Variants in HACE1 observed in about 807,000 individuals in gnomAD.
HACE1 encodes HECT domain and ankyrin repeat containing E3 ubiquitin protein ligase 1, also known as E3 ubiquitin-protein ligase HACE1.
In HACE1, 73 loss-of-function variants were observed where a neutral mutation model predicts 118.4. That is an observed-to-expected ratio of 0.62 (90% CI 0.51 to 0.75). The LOEUF (loss-of-function observed/expected upper bound fraction) is 0.75. Among genes scored for constraint, HACE1 ranks in the 30% least tolerant of loss-of-function variants. HACE1 has a pLI of 0.00. For synonymous variants in HACE1, 368 were observed against 374.8 expected, an observed-to-expected ratio of 0.98 and a Z score of 0.21; for missense variants, 749 against 1,102.2, an observed-to-expected ratio of 0.68 and a Z score of 4.54.
At chr6:104,848,807 T>C (rs1444310490) in intron 4 of HACE1, among the ~76,000 whole-genome samples, 2 of 152,210 alleles carry the variant, frequency 1.3e-5, no homozygotes, top group Middle Eastern at 3.4e-3. Context: ...AAAATTATGC[T>C]TTTCAGAAAA....
At chr6:104,821,974 A>C (rs553813021) in intron 6 of HACE1, among the ~76,000 whole-genome samples, 15 of 152,302 alleles carry the variant, frequency 9.8e-5, no homozygotes, top group African/African-American at 3.4e-4. Context: ...TTGGGAGACC[A>C]AAGTGGGAGG....
At chr6:104,837,505 T>C (rs1212861787) in intron 5 of HACE1, among the ~76,000 whole-genome samples, 1 of 152,136 alleles carries the variant, frequency 6.6e-6, no homozygotes, top group African/African-American at 2.4e-5. Flanking sequence ...AAAGAGATCA[T>C]AGACTTAAAT....
At chr6:104,807,065 C>T (rs1348746515) in intron 7 of HACE1, among the ~76,000 whole-genome samples, 1 of 150,280 alleles carries the variant, frequency 6.7e-6, no homozygotes, top group Non-Finnish European at 1.5e-5. Flanking sequence ...ACTCTGTTGC[C>T]CAGGCTGGAG....
chr6:104,782,607 C>CA (rs1213135098), intron 14 of HACE1, among the ~76,000 whole-genome samples: 7 of 151,290 alleles, frequency 4.6e-5, no homozygotes, highest in Non-Finnish European at 1.0e-4. Flanking sequence ...CTTCAGCTTA[C>CA]AAAAAAAAGA....
chr6:104,739,213 T>C (rs1268430939), intron 22 of HACE1, among the ~76,000 whole-genome samples: 1 of 152,134 alleles, frequency 6.6e-6, no homozygotes, highest in Non-Finnish European at 1.5e-5. Flanking sequence ...TGCAAAATCA[T>C]GCCAAAATGT....
chr6:104,795,364 G>C (rs1783497699), intron 10 of HACE1, among the ~76,000 whole-genome samples: 1 of 152,096 alleles, frequency 6.6e-6, no homozygotes, highest in South Asian at 2.1e-4. Flanking sequence ...CAAATTCACT[G>C]AAGTATGCTC....
intron 11 of HACE1, 154 bp from the exon 12 acceptor site, chr6:104,785,473 T>C: frequency 1.6e-6 from 1 of 613,186 alleles, no homozygotes. Context: ...TGCCTAAAGG[T>C]AAGTAATAAA....
intron 6 of HACE1, among the ~76,000 whole-genome samples, chr6:104,823,191 C>T (rs1332118459): frequency 1.3e-5 from 2 of 152,140 alleles, no homozygotes; most frequent in Non-Finnish European, 2.9e-5. Flanking sequence ...GCAATCCCAG[C>T]ACTCTGGGAG....
chr6:104,780,211 T>C (rs1297636751), intron 14 of HACE1: 1 of 225,276 alleles, frequency 4.4e-6, no homozygotes, highest in Non-Finnish European at 9.1e-6. Context: ...TAAAAACAAA[T>C]GGAACCTTTT....
rs148205991 is a variant in HACE1 at position 104,850,768 on chromosome 6, C to T, written c.221+139G>A. 178 of 757,090 alleles carry T rather than the reference C, an allele frequency of 2.4e-4. No homozygotes were observed. In the African/African-American group the frequency reaches 2.5e-3, roughly 11 times the overall value. The allele number at this position is 757,090 out of a possible 1,614,324, so 46.9% of individuals were successfully genotyped here. ...GTTTAGAGACAGAACGGATAGCACACCACGCGCTCAAACAGGATAAAGAAC... is the reference window on the plus strand; with the variant it reads ...GTTTAGAGACAGAACGGATAGCACATCACGCGCTCAAACAGGATAAAGAAC... On this transcript the variant is annotated intron_variant, in intron 3 of 23. Transcript: ENST00000262903.
chr6:104,825,916 T>C (rs1451296816), intron 6 of HACE1, among the ~76,000 whole-genome samples: 1 of 152,226 alleles, frequency 6.6e-6, no homozygotes, highest in Non-Finnish European at 1.5e-5. Context: ...CATTATGTGC[T>C]ATGCCCTCCT....
chr6:104,848,196 C>G (rs765953878), intron 4 of HACE1, among the ~76,000 whole-genome samples: 1 of 151,234 alleles, frequency 6.6e-6, no homozygotes, highest in Non-Finnish European at 1.5e-5. Context: ...TGGCTCACGC[C>G]TGTAATCCCA....
chr6:104,785,011 C>G lies in HACE1; in HGVS notation c.1383G>C (p.Met461Ile). Reference protein sequence around the residue: ...RLSAVIQAFYMCCSCQMPPGM... With the variant: ...RLSAVIQAFYICCSCQMPPGM... ...CCGGAGGCATCTGACAAGAACAGCACATGTAAAAAGCTTGAATGACAGCAC... is the reference window on the plus strand; with the variant it reads ...CCGGAGGCATCTGACAAGAACAGCAGATGTAAAAAGCTTGAATGACAGCAC... The change falls in exon 12 of 24, where the codon ATG (methionine) becomes ATC (isoleucine). Residue 461 changes from methionine to isoleucine, a missense_variant. Transcript: ENST00000262903. 1 of 1,613,416 alleles carries G rather than the reference C, an allele frequency of 6.2e-7. No individual in the cohort carries two copies.
At chr6:104,823,572 A>T (rs1230644138) in intron 6 of HACE1, among the ~76,000 whole-genome samples, 1 of 152,150 alleles carries the variant, frequency 6.6e-6, no homozygotes, top group Non-Finnish European at 1.5e-5. Flanking sequence ...ACATATTTTT[A>T]AAGTTTTCAA....
chr6:104,834,711 T>C (rs1274190714), intron 5 of HACE1, among the ~76,000 whole-genome samples: 2 of 152,226 alleles, frequency 1.3e-5, no homozygotes, highest in African/African-American at 4.8e-5. Context: ...TTATACTTGT[T>C]GACTTGTCAG....
At chr6:104,858,185 T>C (rs1037439345) in intron 1 of HACE1, among the ~76,000 whole-genome samples, 5 of 152,190 alleles carry the variant, frequency 3.3e-5, no homozygotes, top group Non-Finnish European at 7.3e-5. Context: ...CTAAATCACA[T>C]TTATGTAAAA....
intron 22 of HACE1, chr6:104,732,082 A>T (rs897851229): frequency 6.6e-6 from 1 of 152,196 alleles, no homozygotes; most frequent in Non-Finnish European, 1.5e-5. Flanking sequence ...AGTATTGGCA[A>T]GGATGTGGAG....
At chr6:104,827,948 AT>A (rs754197351) in intron 6 of HACE1, among the ~76,000 whole-genome samples, 1 of 152,118 alleles carries the variant, frequency 6.6e-6, no homozygotes, top group Non-Finnish European at 1.5e-5. Context: ...TAAAAGTGAA[AT>A]TTATTTTTAA....
intron 20 of HACE1, 124 bp downstream of exon 20, chr6:104,750,217 A>C (rs1777889723): frequency 2.5e-6 from 2 of 805,626 alleles, no homozygotes; most frequent in Non-Finnish European, 4.0e-6. Context: ...AATGGACATT[A>C]AACCATTTTG....
Sources: allele counts gnomAD v4.1 joint callset (sites outside exome capture counted in the v4.1 genomes callset), GRCh38; gene constraint gnomAD v4.1.1; transcripts MANE v1.5; gene names NCBI Gene and HGNC (gene_info 2026-07-23, HGNC 2026-07-21).